FBN1: variants seen among roughly 807,000 people sequenced by gnomAD.
FBN1 encodes the protein fibrillin-1.
FBN1 carries 29 observed loss-of-function variants against 365.1 expected under a neutral mutation model. That is an observed-to-expected ratio of 0.08 (90% CI 0.06 to 0.11). FBN1 has a LOEUF of 0.11. Among genes scored for constraint, FBN1 ranks in the 10% least tolerant of loss-of-function variants. The probability of loss-of-function intolerance (pLI) is 1.00; values close to 1 mark genes in which losing one functional copy is unlikely to be tolerated. For missense variants in FBN1, 2,476 were observed against 3,703.2 expected, an observed-to-expected ratio of 0.67 and a Z score of 8.60; for synonymous variants, 1,210 against 1,270.5, an observed-to-expected ratio of 0.95 and a Z score of 1.01.
chr15:48,594,142 A>G (rs184052483), intron 6 of FBN1, among the ~76,000 whole-genome samples: 1 of 152,352 alleles, frequency 6.6e-6, no homozygotes, highest in East Asian at 1.9e-4. Flanking sequence ...GGTGACTTTC[A>G]TAAGAGCAGC....
At chr15:48,548,020 C>G (rs1442724919) in intron 6 of FBN1, among the ~76,000 whole-genome samples, 1 of 152,088 alleles carries the variant, frequency 6.6e-6, no homozygotes, top group South Asian at 2.1e-4. Flanking sequence ...CACCAAAACC[C>G]GATTATGTAG....
intron 24 of FBN1, 121 bp downstream of exon 24, chr15:48,492,340 A>C: frequency 1.1e-6 from 1 of 929,984 alleles, no homozygotes; most frequent in Non-Finnish European, 1.7e-6. Context: ...CCTATCGGAC[A>C]TGCTGAATTT....
intron 4 of FBN1, among the ~76,000 whole-genome samples, chr15:48,606,965 T>C (rs1250220230): frequency 6.6e-6 from 1 of 152,212 alleles, no homozygotes; most frequent in Non-Finnish European, 1.5e-5. Flanking sequence ...CTGTCTCTCA[T>C]ACTTGCTCCC....
rs1555396866 is a variant in FBN1 at position 48,464,039 on chromosome 15, A to G, written c.4943-18T>C. The G allele has an allele frequency of 6.2e-7, 1 of 1,613,330 alleles. No homozygotes were observed. Among genetic ancestry groups the G allele is most frequent in the South Asian group, 1.1e-5 (1 of 91,048 alleles). ...ATTCACATCTATAATCCAAAGAGAAAGTGGTATGTGAATATGAAAACTTCA... is the reference window on the plus strand; with the variant it reads ...ATTCACATCTATAATCCAAAGAGAAGGTGGTATGTGAATATGAAAACTTCA... On this transcript the variant is annotated intron_variant, in intron 40 of 65. Coordinates refer to ENST00000316623, the MANE Select transcript of FBN1 (RefSeq NM_000138.5).
intron 12 of FBN1, among the ~76,000 whole-genome samples, chr15:48,514,027 T>C (rs994236658): frequency 6.6e-6 from 1 of 152,156 alleles, no homozygotes; most frequent in African/African-American, 2.4e-5. Context: ...TGAAGCTCTG[T>C]TTTTTTCCAA....
intron 3 of FBN1, 93 bp from the exon 4 acceptor site, chr15:48,610,919 G>T: frequency 9.9e-7 from 1 of 1,011,202 alleles, no homozygotes; most frequent in Non-Finnish European, 1.5e-6. Context: ...TGGGTTCTCA[G>T]GTCCCTCACA....
intron 6 of FBN1, among the ~76,000 whole-genome samples, chr15:48,568,160 T>G (rs1012258612): frequency 9.6e-6 from 1 of 103,686 alleles, no homozygotes; most frequent in African/African-American, 3.5e-5. Context: ...AAAAAAAAAG[T>G]CCAGAAAAGT....
At chr15:48,417,242 T>G (rs1214558414) in intron 63 of FBN1, among the ~76,000 whole-genome samples, 1 of 152,214 alleles carries the variant, frequency 6.6e-6, no homozygotes, top group Non-Finnish European at 1.5e-5. Flanking sequence ...AACAAATCTA[T>G]TTTTTCTTTT....
chr15:48,425,250 G>A, intron 60 of FBN1, 119 bp downstream of exon 60: 2 of 1,393,266 alleles, frequency 1.4e-6, no homozygotes, highest in Non-Finnish European at 2.0e-6. Flanking sequence ...ATTAACCCCA[G>A]GGAAGCACCT....
At chr15:48,504,699 A>G (rs1192655765) in intron 16 of FBN1, among the ~76,000 whole-genome samples, 1 of 152,218 alleles carries the variant, frequency 6.6e-6, no homozygotes, top group African/African-American at 2.4e-5. Context: ...TAAAATGTTC[A>G]TCATGAGATA....
chr15:48,462,904 T>G (rs576441415), intron 42 of FBN1, among the ~76,000 whole-genome samples, 178 bp downstream of exon 42: 8 of 152,340 alleles, frequency 5.3e-5, no homozygotes, highest in Admixed American at 1.3e-4. Context: ...ACATATTCTG[T>G]GACTCAGTGT....
intron 42 of FBN1, 72 bp from the exon 43 acceptor site, chr15:48,460,389 T>A: frequency 1.1e-6 from 1 of 938,256 alleles, no homozygotes; most frequent in Admixed American, 1.8e-5. Flanking sequence ...CTGAAAAAAA[T>A]TATTTTGTAA....
At chr15:48,532,343 TAAAAC>T (rs1435320007) in intron 8 of FBN1, among the ~76,000 whole-genome samples, 1 of 152,224 alleles carries the variant, frequency 6.6e-6, no homozygotes, top group Non-Finnish European at 1.5e-5. Flanking sequence ...GCCTAAAAGA[TAAAAC>T]ACAACCTATC....
intron 34 of FBN1, among the ~76,000 whole-genome samples, chr15:48,473,486 G>C (rs1446269374): frequency 6.6e-6 from 1 of 152,140 alleles, no homozygotes; most frequent in African/African-American, 2.4e-5. Flanking sequence ...TTTATGTAAT[G>C]ACAAGTCTAA....
At chr15:48,579,314 G>A (rs995821107) in intron 6 of FBN1, among the ~76,000 whole-genome samples, 2 of 152,064 alleles carry the variant, frequency 1.3e-5, no homozygotes, top group African/African-American at 4.8e-5. Context: ...TTCCATATCA[G>A]CTGAATTTAG....
intron 6 of FBN1, among the ~76,000 whole-genome samples, chr15:48,561,982 C>A (rs2044225404): frequency 6.6e-6 from 1 of 152,128 alleles, no homozygotes; most frequent in South Asian, 2.1e-4. Flanking sequence ...CTGGACTGAA[C>A]CCTCAATAAT....
At chr15:48,619,165 G>A (rs1470372999) in intron 2 of FBN1, among the ~76,000 whole-genome samples, 1 of 152,106 alleles carries the variant, frequency 6.6e-6, no homozygotes, top group East Asian at 1.9e-4. Flanking sequence ...CACTGCTGTA[G>A]ACCCAAAGAC....
chr15:48,536,082 A>G (rs12907078), intron 7 of FBN1, among the ~76,000 whole-genome samples: 26,465 of 152,074 alleles, frequency 0.17, 2,442 homozygotes, highest in East Asian at 0.36. Context: ...AGCAAGGAGC[A>G]AGAGCCACAA....
At chr15:48,510,873 A>G (rs1267626409) in intron 13 of FBN1, among the ~76,000 whole-genome samples, 1 of 152,192 alleles carries the variant, frequency 6.6e-6, no homozygotes, top group African/African-American at 2.4e-5. Context: ...TTCTCCCTTA[A>G]ATATTAACAA....
Sources: gnomAD v4.1 joint callset for allele counts (sites outside exome capture counted in the v4.1 genomes callset) on GRCh38, gnomAD v4.1.1 for gene constraint, MANE v1.5 for transcripts, NCBI Gene and HGNC (gene_info 2026-07-23, HGNC 2026-07-21) for gene names.